The following BAIAP2 variants were observed in gnomAD, a reference collection of about 807,000 sequenced individuals.
The protein encoded by BAIAP2 is BAR/IMD domain-containing adapter protein 2.
BAIAP2 carries 18 observed loss-of-function variants against 63.0 expected under a neutral mutation model. That is an observed-to-expected ratio of 0.29 (90% CI 0.20 to 0.42). The LOEUF (loss-of-function observed/expected upper bound fraction) is 0.42, where lower values mean the gene tolerates loss of function less well. Among genes scored for constraint, BAIAP2 ranks in the 10% least tolerant of loss-of-function variants. BAIAP2 has a pLI of 1.00. For synonymous variants in BAIAP2, 386 were observed against 307.6 expected, an observed-to-expected ratio of 1.25 and a Z score of -2.67; for missense variants, 610 against 734.3, an observed-to-expected ratio of 0.83 and a Z score of 1.96.
chr17:81,057,843 C>A, intron 2 of BAIAP2, 38 bp from the exon 3 acceptor site: 1 of 1,596,836 alleles, frequency 6.3e-7, no homozygotes, highest in Non-Finnish European at 8.6e-7. Context: ...GTCTGTCCCT[C>A]GTGGAGGAAA....
At chr17:81,095,650 G>A (rs150782042) in intron 6 of BAIAP2, among the ~76,000 whole-genome samples, 143 of 152,166 alleles carry the variant, frequency 9.4e-4, no homozygotes, top group African/African-American at 3.1e-3. Flanking sequence ...CCCGTCCTTC[G>A]GGGGCTGGCC....
At chr17:81,095,924 C>A (rs941621457) in intron 6 of BAIAP2, among the ~76,000 whole-genome samples, 1 of 152,150 alleles carries the variant, frequency 6.6e-6, no homozygotes, top group Non-Finnish European at 1.5e-5. Flanking sequence ...TGTACTCTCC[C>A]CTGGGGAACT....
intron 6 of BAIAP2, among the ~76,000 whole-genome samples, chr17:81,095,319 G>A (rs1397450486): frequency 2.0e-5 from 3 of 152,170 alleles, no homozygotes; most frequent in African/African-American, 4.8e-5. Context: ...CACACAGCTC[G>A]GACGTGCCCC....
chr17:81,051,035 G>A (rs1165278230), intron 1 of BAIAP2, among the ~76,000 whole-genome samples: 2 of 151,710 alleles, frequency 1.3e-5, no homozygotes, highest in African/African-American at 4.8e-5. Flanking sequence ...TCTGGCTCAC[G>A]TTCTCCTGGG....
At chr17:81,047,403 C>T (rs568381126) in intron 1 of BAIAP2, among the ~76,000 whole-genome samples, 22 of 152,188 alleles carry the variant, frequency 1.4e-4, no homozygotes, top group Admixed American at 6.5e-4. Flanking sequence ...GGAGAGGGTC[C>T]TAGCATCGAC....
chr17:81,090,940 G>A (rs905027620), intron 6 of BAIAP2, among the ~76,000 whole-genome samples: 8 of 152,298 alleles, frequency 5.3e-5, no homozygotes, highest in South Asian at 2.1e-4. Context: ...CCCAGCTGTT[G>A]CATGTCCTCT....
intron 1 of BAIAP2, among the ~76,000 whole-genome samples, chr17:81,039,722 T>G (rs1238920464): frequency 6.6e-6 from 1 of 151,992 alleles, no homozygotes; most frequent in Admixed American, 6.5e-5. Context: ...TGCCTTGTCT[T>G]CGACTGAAGC....
intron 6 of BAIAP2, among the ~76,000 whole-genome samples, chr17:81,096,957 G>A: frequency 6.6e-6 from 1 of 151,830 alleles, no homozygotes. Flanking sequence ...GAAAGTAGAG[G>A]AGGAGAAGAA....
At chr17:81,104,176 C>CTCCTCAGACCCT in intron 9 of BAIAP2, 68 bp downstream of exon 9, 1 of 1,543,094 alleles carries the variant, frequency 6.5e-7, no homozygotes. Context: ...ACAGTCATGC[C>CTCCTCAGACCCT]ACAACCCTCA....
At chr17:81,101,655 G>A (rs1036106582) in intron 7 of BAIAP2, among the ~76,000 whole-genome samples, 8 of 152,070 alleles carry the variant, frequency 5.3e-5, no homozygotes, top group African/African-American at 1.7e-4. Context: ...ACACACGCAC[G>A]TGATACAGAA....
chr17:81,052,641 G>A (rs1420490590), intron 1 of BAIAP2, among the ~76,000 whole-genome samples: 3 of 152,258 alleles, frequency 2.0e-5, no homozygotes, highest in African/African-American at 7.2e-5. Flanking sequence ...GGCAGGTCCC[G>A]TGGTGGGGAG....
chr17:81,036,851 T>C (rs1298223040), intron 1 of BAIAP2: 19 of 1,533,472 alleles, frequency 1.2e-5, no homozygotes, highest in Non-Finnish European at 1.7e-5. Context: ...TACGACTTGT[T>C]TGTGATTGCA....
chr17:81,098,261 C>A, intron 6 of BAIAP2: 1 of 1,210,204 alleles, frequency 8.3e-7, no homozygotes, highest in Non-Finnish European at 1.1e-6. Flanking sequence ...AGGATGGGAG[C>A]ACAGTCCGGG....
At chr17:81,058,036 T>G in intron 3 of BAIAP2, 69 bp downstream of exon 3, 1 of 1,090,562 alleles carries the variant, frequency 9.2e-7, no homozygotes, top group Non-Finnish European at 1.2e-6. Context: ...GGCCCTGTCC[T>G]GTGTCCAGCC....
chr17:81,108,913 C>T, intron 13 of BAIAP2: 2 of 1,532,656 alleles, frequency 1.3e-6, no homozygotes, highest in Non-Finnish European at 1.8e-6. Flanking sequence ...GACTCGCCGC[C>T]TGTGGCTGGG....
chr17:81,070,833 C>CT (rs1392812811), intron 3 of BAIAP2, among the ~76,000 whole-genome samples: 1 of 152,222 alleles, frequency 6.6e-6, no homozygotes, highest in Admixed American at 6.5e-5. Flanking sequence ...CCGGGCAGGC[C>CT]TGAGGGTCCT....
intron 6 of BAIAP2, among the ~76,000 whole-genome samples, chr17:81,095,690 C>G (rs1315734836): frequency 6.6e-6 from 1 of 152,154 alleles, no homozygotes; most frequent in Non-Finnish European, 1.5e-5. Context: ...GGGAACATCT[C>G]TCCTCCCTGT....
intron 1 of BAIAP2, among the ~76,000 whole-genome samples, chr17:81,050,703 A>C (rs2048527219): frequency 9.6e-6 from 1 of 103,814 alleles, no homozygotes; most frequent in Admixed American, 9.3e-5. Flanking sequence ...TTGATGCTGC[A>C]GCTCAGCACA....
chr17:81,044,994 G>A (rs1598496755), intron 1 of BAIAP2, among the ~76,000 whole-genome samples: 1 of 152,346 alleles, frequency 6.6e-6, no homozygotes, highest in South Asian at 2.1e-4. Flanking sequence ...TGTCCCCATT[G>A]AAGCTGGGAT....
Sources: allele counts gnomAD v4.1 joint callset (sites outside exome capture counted in the v4.1 genomes callset), GRCh38; gene constraint gnomAD v4.1.1; transcripts MANE v1.5; gene names NCBI Gene and HGNC (gene_info 2026-07-23, HGNC 2026-07-21).